TLK1: variants seen among roughly 807,000 people sequenced by gnomAD.
TLK1 encodes serine/threonine-protein kinase tousled-like 1.
TLK1 carries 24 observed loss-of-function variants against 105.3 expected under a neutral mutation model. The observed-to-expected ratio is 0.23, with a 90% confidence interval of 0.17 to 0.32. The LOEUF is 0.32. Among genes scored for constraint, TLK1 ranks in the 10% least tolerant of loss-of-function variants. The pLI, the probability that TLK1 is intolerant of heterozygous loss-of-function variation, is 1.00. For synonymous variants in TLK1, 321 were observed against 310.4 expected (o/e 1.03, Z -0.36); for missense variants, 558 against 910.5 (o/e 0.61, Z 4.98).
chr2:171,076,945 A>G (rs1419999974), intron 3 of TLK1, among the ~76,000 whole-genome samples: 1 of 151,954 alleles, frequency 6.6e-6, no homozygotes, highest in Non-Finnish European at 1.5e-5. Context: ...AAGAAAAAAG[A>G]AACACTGGTA....
intron 8 of TLK1, among the ~76,000 whole-genome samples, chr2:171,050,896 G>A (rs983021890): frequency 1.3e-5 from 2 of 152,118 alleles, no homozygotes; most frequent in African/African-American, 2.4e-5. Flanking sequence ...GAAAATTTCC[G>A]TTTCTAATAA....
intron 12 of TLK1, among the ~76,000 whole-genome samples, chr2:171,021,363 C>T (rs960218530): frequency 6.6e-6 from 1 of 152,026 alleles, no homozygotes; most frequent in African/African-American, 2.4e-5. Context: ...TGATCACACA[C>T]AGGTGCAATG....
At chr2:171,129,820 T>C (rs1691019796) in intron 1 of TLK1, among the ~76,000 whole-genome samples, 1 of 133,302 alleles carries the variant, frequency 7.5e-6, no homozygotes, top group Non-Finnish European at 1.6e-5. Context: ...GGGATATAGA[T>C]AGGTTACCAA....
At chr2:171,092,947 T>G (rs1490158140) in intron 2 of TLK1, among the ~76,000 whole-genome samples, 1 of 152,130 alleles carries the variant, frequency 6.6e-6, no homozygotes, top group African/African-American at 2.4e-5. Flanking sequence ...TTGCTGATAC[T>G]GGGCAGTGCT....
Position 171,093,074 on chromosome 2 carries a change from C to A in TLK1, c.259-10222G>T, listed in dbSNP as rs192925086. Among the ~76,000 whole-genome samples, 18 of 152,296 alleles carry A rather than the reference C, an allele frequency of 1.2e-4. No individual in the cohort carries two copies. In the East Asian group the frequency reaches 3.5e-3, roughly 29 times the overall value. ...AATATATGCCAGTCTCAAAATTAGC[C>A]TCCTACTGCCTAAGTCTCCAAAGTT... On this transcript the variant is annotated intron_variant, in intron 2 of 20. Transcript: ENST00000431350.
chr2:171,163,578 G>C (rs1692555003), upstream of TLK1, among the ~76,000 whole-genome samples: 1 of 152,162 alleles, frequency 6.6e-6, no homozygotes, highest in Admixed American at 6.5e-5. Context: ...GAGTCACTGA[G>C]TGATTTTTAA....
chr2:171,054,930 C>T, intron 7 of TLK1, 153 bp downstream of exon 7: 1 of 418,492 alleles, frequency 2.4e-6, no homozygotes. Context: ...CTCCTTCCTA[C>T]AAATTCTGTT....
chr2:171,136,355 TAC>T (rs546663414), intron 1 of TLK1, among the ~76,000 whole-genome samples: 7 of 152,162 alleles, frequency 4.6e-5, no homozygotes, highest in Admixed American at 3.3e-4. Flanking sequence ...GGTGTAAAGT[TAC>T]AGTTTGACAA....
intron 1 of TLK1, among the ~76,000 whole-genome samples, chr2:171,153,362 T>C (rs374839204): frequency 6.6e-6 from 1 of 152,242 alleles, no homozygotes; most frequent in Non-Finnish European, 1.5e-5. Flanking sequence ...CTGTTATCCA[T>C]ATCACCCTCT....
intron 13 of TLK1, among the ~76,000 whole-genome samples, chr2:171,013,197 G>C (rs1354757479): frequency 1.3e-5 from 2 of 151,518 alleles, no homozygotes; most frequent in Non-Finnish European, 2.9e-5. Context: ...ATTTTTAGTA[G>C]AGATGGGGTT....
intron 2 of TLK1, among the ~76,000 whole-genome samples, chr2:171,090,148 A>G (rs548485735): frequency 6.6e-6 from 1 of 152,244 alleles, no homozygotes; most frequent in Non-Finnish European, 1.5e-5. Context: ...TTCAGTGAAG[A>G]TGTCTTGAGT....
intron 12 of TLK1, among the ~76,000 whole-genome samples, chr2:171,015,694 CACACATATA>C (rs1685158852): frequency 2.8e-4 from 1 of 3,544 alleles, no homozygotes; most frequent in Non-Finnish European, 1.1e-3. Flanking sequence ...TTCATACACA[CACACATATA>C]CACACACACA....
chr2:171,130,449 A>T (rs551345302), intron 1 of TLK1, among the ~76,000 whole-genome samples: 2 of 152,314 alleles, frequency 1.3e-5, no homozygotes, highest in East Asian at 3.9e-4. Flanking sequence ...AGGGTTGTTC[A>T]CAGGCAGGAC....
intron 20 of TLK1, chr2:170,994,748 G>A (rs747005565): frequency 1.2e-4 from 60 of 511,192 alleles, no homozygotes; most frequent in South Asian, 5.3e-4. Context: ...TAAAACCATA[G>A]TTGAGTTTTG....
chr2:171,029,286 G>A (rs1393498540), intron 11 of TLK1, among the ~76,000 whole-genome samples: 1 of 152,172 alleles, frequency 6.6e-6, no homozygotes, highest in African/African-American at 2.4e-5. Context: ...CTGCTTCAGT[G>A]TGTTGGGAGT....
At chr2:171,045,020 G>T (rs962402803) in intron 11 of TLK1, among the ~76,000 whole-genome samples, 1 of 151,894 alleles carries the variant, frequency 6.6e-6, no homozygotes, top group Non-Finnish European at 1.5e-5. Flanking sequence ...GAGACTAAAG[G>T]GATTTGTAAT....
At chr2:171,157,506 G>C (rs1444564438) in intron 1 of TLK1, among the ~76,000 whole-genome samples, 1 of 152,124 alleles carries the variant, frequency 6.6e-6, no homozygotes, top group Non-Finnish European at 1.5e-5. Flanking sequence ...TGGGACCCGA[G>C]GGAAAGAAAT....
chr2:171,091,174 T>C (rs1013845453), intron 2 of TLK1, among the ~76,000 whole-genome samples: 12 of 152,244 alleles, frequency 7.9e-5, no homozygotes, highest in African/African-American at 2.2e-4. Flanking sequence ...AGAGACCACA[T>C]GACCTACAGA....
chr2:171,016,354 G>A (rs559282508), intron 12 of TLK1, among the ~76,000 whole-genome samples: 24 of 152,202 alleles, frequency 1.6e-4, no homozygotes, highest in African/African-American at 5.8e-4. Context: ...GGCTAGTCCT[G>A]AACTCCCGAG....
Sources: allele counts gnomAD v4.1 joint callset (sites outside exome capture counted in the v4.1 genomes callset), GRCh38; gene constraint gnomAD v4.1.1; transcripts MANE v1.5; gene names NCBI Gene and HGNC (gene_info 2026-07-23, HGNC 2026-07-21).